DAD1: variants seen among roughly 807,000 people sequenced by gnomAD.
The protein encoded by DAD1 is defender against cell death 1.
In DAD1, 4 loss-of-function variants were observed where a neutral mutation model predicts 9.0. That is an observed-to-expected ratio of 0.44 (90% CI 0.22 to 1.01). DAD1 has a LOEUF of 1.01. DAD1 is among the 50% of genes least tolerant of loss of function. DAD1 has a pLI of 0.24. For missense variants in DAD1, 119 were observed against 137.3 expected, an observed-to-expected ratio of 0.87 and a Z score of 0.67; for synonymous variants, 60 against 62.5, an observed-to-expected ratio of 0.96 and a Z score of 0.19.
At position 22,565,108 on chromosome 14, in the gene DAD1, A is replaced by T. The variant is rs761741510; in HGVS notation, c.*74T>A. 1 of 702,112 alleles carries T rather than the reference A, an allele frequency of 1.4e-6. No homozygotes were observed. Among genetic ancestry groups the T allele is most frequent in the Non-Finnish European group, 2.6e-6 (1 of 384,776 alleles). The allele number at this position is 702,112 out of a possible 1,614,324, so 43.5% of individuals were successfully genotyped here. A position where few individuals can be genotyped will look rare whatever the true frequency, so the allele number is the denominator to read the frequency against. On this transcript the variant is annotated 3_prime_UTR_variant, in exon 3 of 3. Coordinates refer to ENST00000250498, the MANE Select transcript of DAD1 (RefSeq NM_001344.4). ...TGTCCAATAAGCTGCCATCTCCAGA[A>T]CTCTTATCCAGGAAATTCAAAGAGT...
chr14:22,572,487 AT>A (rs1296545142), intron 2 of DAD1, among the ~76,000 whole-genome samples: 1 of 152,192 alleles, frequency 6.6e-6, no homozygotes, highest in East Asian at 1.9e-4. Flanking sequence ...TTCTATGAAC[AT>A]ACTCTCCATA....
At chr14:22,580,699 T>C (rs2037110387) in intron 1 of DAD1, among the ~76,000 whole-genome samples, 1 of 152,094 alleles carries the variant, frequency 6.6e-6, no homozygotes, top group Non-Finnish European at 1.5e-5. Flanking sequence ...CCCACAAAGT[T>C]GGAAAGGACC....
chr14:22,567,045 TC>T (rs1460875565), intron 2 of DAD1: 1 of 152,094 alleles, frequency 6.6e-6, no homozygotes, highest in Non-Finnish European at 1.5e-5. Context: ...ACTAATAAAA[TC>T]TCCTCCCCTG....
intron 1 of DAD1, among the ~76,000 whole-genome samples, chr14:22,576,064 T>G (rs1371369741): frequency 6.6e-6 from 1 of 152,110 alleles, no homozygotes; most frequent in Non-Finnish European, 1.5e-5. Context: ...AGACAGGGTC[T>G]GGTGGTGCTG....
At chr14:22,577,841 C>A (rs2139242306) in intron 1 of DAD1, among the ~76,000 whole-genome samples, 1 of 150,118 alleles carries the variant, frequency 6.7e-6, no homozygotes, top group African/African-American at 2.5e-5. Context: ...CAAAAAAGTT[C>A]TGGATATGGA....
chr14:22,575,174 C>T lies in DAD1; in HGVS notation c.271G>A (p.Glu91Lys), dbSNP rs376192837. ...AAGAGAAAATCAGCAAAGGCTCGCT[C>T]TGGGGAGATGCCTTGGAAATCCGCT... ...NKADFQGISP[E>K]RAFADFLFAS... The change falls in exon 2 of 3, where the codon GAG becomes AAG. Residue 91 changes from glutamate to lysine, a missense_variant. Glu to Lys is a moderately conservative substitution (Grantham distance 56). Transcript: ENST00000250498. 1.4e-5 allele frequency: 22 copies of T among 1,614,064 alleles called. No homozygotes were observed. The highest frequency in any genetic ancestry group is 1.8e-5 in the Non-Finnish European group (21 of 1,180,034).
chr14:22,566,227 C>A (rs2037001269), intron 2 of DAD1, among the ~76,000 whole-genome samples: 1 of 152,132 alleles, frequency 6.6e-6, no homozygotes, highest in Non-Finnish European at 1.5e-5. Flanking sequence ...AAAAGGTGTT[C>A]ACAGTGCCAA....
chr14:22,583,654 T>C (rs1237900797), intron 1 of DAD1, among the ~76,000 whole-genome samples: 1 of 152,132 alleles, frequency 6.6e-6, no homozygotes. Flanking sequence ...GTTTGTATGA[T>C]GGGAATGATC....
At chr14:22,581,931 A>G (rs994740004) in intron 1 of DAD1, among the ~76,000 whole-genome samples, 1 of 150,886 alleles carries the variant, frequency 6.6e-6, no homozygotes, top group East Asian at 2.0e-4. Context: ...GGCCGGGCGC[A>G]GTGGCTCACG....
rs190945385 is a variant in DAD1 at position 22,588,847 on chromosome 14, A to G, written c.211+100T>C. The stretch of plus-strand genomic sequence containing the variant: ...CAAAAGGGCAATGCAGGCTCTTCTC[A>G]TAACTTCAAGGGGCGGTGGTCTGAT... On this transcript the variant is annotated intron_variant, in intron 1 of 2. Transcript: ENST00000250498. The G allele has an allele frequency of 2.0e-5, 25 of 1,236,008 alleles. No individual in the cohort carries two copies. The Admixed American group carries it at 5.0e-4, about 25-fold the overall frequency. 76.6% of individuals were successfully genotyped at this position (1,236,008 alleles called of 1,614,324 possible). A position where few individuals can be genotyped will look rare whatever the true frequency, so the allele number is the denominator to read the frequency against.
intron 1 of DAD1, among the ~76,000 whole-genome samples, chr14:22,587,809 G>A (rs1042876513): frequency 2.0e-5 from 3 of 151,500 alleles, no homozygotes; most frequent in Non-Finnish European, 4.4e-5. Flanking sequence ...CACGATCTCG[G>A]CTCACTACAA....
intron 2 of DAD1, among the ~76,000 whole-genome samples, chr14:22,566,839 T>C (rs2037005011): frequency 6.6e-6 from 1 of 152,250 alleles, no homozygotes; most frequent in Non-Finnish European, 1.5e-5. Flanking sequence ...AGTAAGTCTC[T>C]TTGATAGTGG....
intron 1 of DAD1, among the ~76,000 whole-genome samples, chr14:22,581,910 A>AAG: frequency 6.6e-6 from 1 of 152,110 alleles, no homozygotes; most frequent in Non-Finnish European, 1.5e-5. Context: ...CAAGGTTAAA[A>AAG]AGAGGCAGAA....
At chr14:22,570,378 T>C (rs991161764) in intron 2 of DAD1, among the ~76,000 whole-genome samples, 1 of 152,122 alleles carries the variant, frequency 6.6e-6, no homozygotes, top group African/African-American at 2.4e-5. Flanking sequence ...TAACTCGACA[T>C]TGCCCACTTC....
In DAD1 at chr14:22,565,067, C is replaced by T. The variant is rs191839712; in HGVS notation, c.*115G>A. The T allele has an allele frequency of 1.7e-5, 12 of 701,234 alleles. No homozygotes were observed. In the Admixed American group the frequency reaches 2.2e-4, roughly 13 times the overall value. The allele number at this position is 701,234 out of a possible 1,614,324, so 43.4% of individuals were successfully genotyped here. ...AGCAGAGCTAGCAGTAAGTGCAAATCTGAAGAAAATCCATGTGTCCAATAA... is the reference window on the plus strand; with the variant it reads ...AGCAGAGCTAGCAGTAAGTGCAAATTTGAAGAAAATCCATGTGTCCAATAA... On this transcript the variant is annotated 3_prime_UTR_variant, in exon 3 of 3. Coordinates refer to ENST00000250498, the MANE Select transcript of DAD1 (RefSeq NM_001344.4).
intron 2 of DAD1, among the ~76,000 whole-genome samples, chr14:22,565,505 G>C (rs1048213490): frequency 6.6e-6 from 1 of 152,142 alleles, no homozygotes; most frequent in Admixed American, 6.5e-5. Context: ...AACCTAAAGA[G>C]CTTTCTGGAA....
At chr14:22,570,997 G>A (rs375081706) in intron 2 of DAD1, among the ~76,000 whole-genome samples, 35 of 145,152 alleles carry the variant, frequency 2.4e-4, no homozygotes, top group African/African-American at 8.8e-4. Context: ...GAACACCTGA[G>A]ATGGACTGAG....
chr14:22,587,448 G>C (rs1420317508), intron 1 of DAD1, among the ~76,000 whole-genome samples: 1 of 152,162 alleles, frequency 6.6e-6, no homozygotes, highest in African/African-American at 2.4e-5. Context: ...TGGGTGGGTG[G>C]TGGAGAATAC....
At chr14:22,588,911 A>G (rs761013665) in intron 1 of DAD1, 36 bp downstream of exon 1, 1 of 1,605,208 alleles carries the variant, frequency 6.2e-7, no homozygotes, top group Non-Finnish European at 8.5e-7. Context: ...CACCAAAGTA[A>G]CACATTATTA....
Sources: allele counts gnomAD v4.1 joint callset (sites outside exome capture counted in the v4.1 genomes callset), GRCh38; gene constraint gnomAD v4.1.1; transcripts MANE v1.5; gene names NCBI Gene and HGNC (gene_info 2026-07-23, HGNC 2026-07-21).